The following KIAA0513 variants were observed in gnomAD, a reference collection of about 807,000 sequenced individuals.
KIAA0513 encodes the protein uncharacterized protein KIAA0513.
A neutral mutation model predicts 56.5 loss-of-function variants in KIAA0513; 39 were observed. The observed-to-expected ratio is 0.69, with a 90% CI of 0.53 to 0.90. The LOEUF (loss-of-function observed/expected upper bound fraction) is 0.90. KIAA0513 is among the 40% of genes least tolerant of loss of function. The probability of loss-of-function intolerance (pLI) is 0.00; values close to 1 mark genes in which losing one functional copy is unlikely to be tolerated. For synonymous variants in KIAA0513, 268 were observed against 215.6 expected, an observed-to-expected ratio of 1.24 and a Z score of -2.13; for missense variants, 591 against 535.2, an observed-to-expected ratio of 1.10 and a Z score of -1.03.
chr16:85,039,250 C>T (rs555092211), intron 1 of KIAA0513, among the ~76,000 whole-genome samples: 1 of 152,154 alleles, frequency 6.6e-6, no homozygotes, highest in African/African-American at 2.4e-5. Context: ...TCCTTGTAAC[C>T]CAAAACACTG....
rs2073897760 is a variant in KIAA0513, at chr16:85,094,047, A to C, written c.*5722A>C. The C allele has an allele frequency of 6.6e-6, 1 of 152,130 alleles. No individual in the cohort carries two copies. The highest frequency in any genetic ancestry group is 2.4e-5 in the African/African-American group (1 of 41,434). 9.4% of individuals were successfully genotyped at this position (152,130 alleles called of 1,614,324 possible). On this transcript the variant is annotated 3_prime_UTR_variant, in exon 13 of 13. Coordinates refer to ENST00000683363, the MANE Select transcript of KIAA0513 (RefSeq NM_001388359.1). ...AGTATCTTCTCTGTTGCATTTTTGC[A>C]ATCTTGTGTCCCGCTCGGTGATGTT...
intron 1 of KIAA0513, among the ~76,000 whole-genome samples, chr16:85,036,026 G>A (rs1219699002): frequency 6.6e-6 from 1 of 151,240 alleles, no homozygotes; most frequent in Non-Finnish European, 1.5e-5. Context: ...TGTTGCCTGA[G>A]CTGGTCTTGC....
intron 1 of KIAA0513, among the ~76,000 whole-genome samples, chr16:85,048,285 C>G (rs940943780): frequency 3.3e-5 from 5 of 152,102 alleles, no homozygotes; most frequent in Non-Finnish European, 5.9e-5. Flanking sequence ...ACAAAGGCTT[C>G]GACCGTCAGC....
intron 1 of KIAA0513, among the ~76,000 whole-genome samples, chr16:85,060,178 C>G (rs1232666364): frequency 6.6e-6 from 1 of 152,202 alleles, no homozygotes. Flanking sequence ...CCAGGCTGGT[C>G]TTGAACTCCT....
At chr16:85,059,385 GC>G (rs1170086721) in intron 1 of KIAA0513, among the ~76,000 whole-genome samples, 1 of 152,202 alleles carries the variant, frequency 6.6e-6, no homozygotes, top group Admixed American at 6.5e-5. Context: ...AACATTCTCA[GC>G]CCCTTGAGCT....
intron 1 of KIAA0513, among the ~76,000 whole-genome samples, chr16:85,061,897 G>T (rs1259217768): frequency 1.3e-5 from 2 of 152,190 alleles, no homozygotes; most frequent in Non-Finnish European, 2.9e-5. Flanking sequence ...CTTTTCCCAT[G>T]AGCGGTGGCT....
chr16:85,088,487 C>T lies in KIAA0513; in HGVS notation c.*162C>T. 1 of 620,446 alleles carries T rather than the reference C, an allele frequency of 1.6e-6. No homozygotes were observed. The highest frequency in any genetic ancestry group is 1.8e-5 in the African/African-American group (1 of 54,678). The allele number at this position is 620,446 out of a possible 1,614,324, so 38.4% of individuals were successfully genotyped here. On this transcript the variant is annotated 3_prime_UTR_variant, in exon 13 of 13. Transcript: ENST00000683363. The stretch of plus-strand genomic sequence containing the variant: ...CGGTTAGAAGAATCCGCTGTTCCTC[C>T]CTCATCTCCTCTGCCTGTGTCTGCG...
intron 1 of KIAA0513, among the ~76,000 whole-genome samples, chr16:85,038,221 C>G (rs141377237): frequency 6.2e-4 from 95 of 152,306 alleles, no homozygotes; most frequent in African/African-American, 2.1e-3. Context: ...TTGACTTTGC[C>G]TCTTCCCTGG....
chr16:85,040,418 T>C lies in KIAA0513; in HGVS notation c.-173+12560T>C, dbSNP rs925337821. Among the ~76,000 whole-genome samples, 11 of 152,062 alleles carry C rather than the reference T, an allele frequency of 7.2e-5. No individual in the cohort carries two copies. In the East Asian group the frequency reaches 1.2e-3, roughly 16 times the overall value. On this transcript the variant is annotated intron_variant, in intron 1 of 12. Transcript: ENST00000683363. Reference sequence around the variant, plus strand: ...GGTGGCTCACGCCTGTAATCCCAACTACTCGGGAGGCTGAGGTAGGAGGAT... The same window carrying C: ...GGTGGCTCACGCCTGTAATCCCAACCACTCGGGAGGCTGAGGTAGGAGGAT...
intron 10 of KIAA0513, among the ~76,000 whole-genome samples, chr16:85,086,076 CAG>C (rs113354339): frequency 0.033 from 4,956 of 152,332 alleles, 120 homozygotes; most frequent in African/African-American, 0.067. Context: ...CCTCTGCAGA[CAG>C]GGGACAGTGT....
chr16:85,033,233 C>T (rs186782115), intron 1 of KIAA0513, among the ~76,000 whole-genome samples: 81 of 152,298 alleles, frequency 5.3e-4, no homozygotes, highest in Non-Finnish European at 9.6e-4. Context: ...CGAGGCCATG[C>T]GGCTCCTGAC....
chr16:85,042,997 A>T (rs569858017), intron 1 of KIAA0513, among the ~76,000 whole-genome samples: 1 of 152,378 alleles, frequency 6.6e-6, no homozygotes, highest in Non-Finnish European at 1.5e-5. Context: ...AACGGGTGGA[A>T]TAAACATCTT....
chr16:85,046,566 G>A (rs2073173948), intron 1 of KIAA0513, among the ~76,000 whole-genome samples: 1 of 152,164 alleles, frequency 6.6e-6, no homozygotes, highest in African/African-American at 2.4e-5. Context: ...ACAGATGGAC[G>A]GCCCGTCTGT....
At chr16:85,049,795 A>G (rs2073223753) in intron 1 of KIAA0513, among the ~76,000 whole-genome samples, 2 of 152,164 alleles carry the variant, frequency 1.3e-5, no homozygotes, top group Admixed American at 6.5e-5. Context: ...GTATTTCGTT[A>G]TAGCAGTGCA....
At chr16:85,079,986 G>T (rs2073719124) in intron 8 of KIAA0513, among the ~76,000 whole-genome samples, 1 of 152,196 alleles carries the variant, frequency 6.6e-6, no homozygotes, top group South Asian at 2.1e-4. Context: ...CCTGGAATCA[G>T]TGTCAGACGG....
chr16:85,034,292 A>G (rs2073005714), intron 1 of KIAA0513, among the ~76,000 whole-genome samples: 1 of 152,148 alleles, frequency 6.6e-6, no homozygotes, highest in African/African-American at 2.4e-5. Context: ...AGGCAGGAGA[A>G]TTGCTTGAAC....
rs1430725942 is a variant in KIAA0513, at chr16:85,081,811, G to A, written c.980+419G>A. The stretch of plus-strand genomic sequence containing the variant: ...GAGCTGGCGCCTGGGGAATGCAGTT[G>A]CCGCTCGCAACTCACCTCTTGGGTC... On this transcript the variant is annotated intron_variant, in intron 9 of 12. Transcript: ENST00000683363. The surrounding 1 kb of genome is among the most constrained non-coding windows in gnomAD (Gnocchi z 4.4). 6.6e-6 allele frequency among the ~76,000 whole-genome samples: 1 copy of A among 152,192 alleles called. No homozygotes were observed. The highest frequency in any genetic ancestry group is 1.5e-5 in the Non-Finnish European group (1 of 68,026).
At chr16:85,031,217 C>T (rs908680386) in intron 1 of KIAA0513, among the ~76,000 whole-genome samples, 18 of 152,142 alleles carry the variant, frequency 1.2e-4, no homozygotes, top group African/African-American at 4.1e-4. Flanking sequence ...GTGGTGGCTA[C>T]GCTTGGAATA....
rs747757547 is a variant in KIAA0513 at position 85,071,764 on chromosome 16, T to TC, written c.330-18dup. The TC allele has an allele frequency of 6.9e-7, 1 of 1,446,854 alleles. No individual in the cohort carries two copies. Among genetic ancestry groups the TC allele is most frequent in the Non-Finnish European group, 9.3e-7 (1 of 1,070,544 alleles). 89.6% of individuals were successfully genotyped at this position (1,446,854 alleles called of 1,614,324 possible). On this transcript the variant is annotated intron_variant, in intron 2 of 12. Coordinates refer to ENST00000683363, the MANE Select transcript of KIAA0513 (RefSeq NM_001388359.1). ...AGGGTTTTTTTTTTTTTTCCTCTGC[T>TC]CTTTTTTTTTTTTTTTAGGGAGGAC...
Sources: gnomAD v4.1 joint callset for allele counts (sites outside exome capture counted in the v4.1 genomes callset) on GRCh38, gnomAD v4.1.1 for gene constraint, Gnocchi (gnomAD v3.1) non-coding constraint, MANE v1.5 for transcripts, NCBI Gene and HGNC (gene_info 2026-07-23, HGNC 2026-07-21) for gene names.